Variants in PLPP3 observed in about 807,000 individuals in gnomAD.
The protein encoded by PLPP3 is PAP2 beta.
PLPP3 carries 6 observed loss-of-function variants against 29.6 expected under a neutral mutation model. That is an observed-to-expected ratio of 0.20 (90% CI 0.11 to 0.40). PLPP3 has a LOEUF of 0.40. Ranked by LOEUF, PLPP3 falls within the 10% of genes least tolerant of loss-of-function variation. The probability of loss-of-function intolerance (pLI) is 1.00; values close to 1 mark genes in which losing one functional copy is unlikely to be tolerated. For missense variants in PLPP3, 308 were observed against 407.7 expected, an observed-to-expected ratio of 0.76 and a Z score of 2.11; for synonymous variants, 152 against 159.7, an observed-to-expected ratio of 0.95 and a Z score of 0.36.
At chr1:56,530,642 C>A (rs1645881584) in intron 2 of PLPP3, among the ~76,000 whole-genome samples, 1 of 152,200 alleles carries the variant, frequency 6.6e-6, no homozygotes, top group Non-Finnish European at 1.5e-5. Context: ...CCTTGCATTG[C>A]CACCACTGTG....
At position 56,557,056 on chromosome 1, in the gene PLPP3, G is replaced by GAGAGAGAA. The variant is rs1553139372; in HGVS notation, c.140-19945_140-19944insTTCTCTCT. 1.4e-3 allele frequency among the ~76,000 whole-genome samples: 13 copies of GAGAGAGAA among 9,138 alleles called. 1 individual carries two copies. Among genetic ancestry groups the GAGAGAGAA allele is most frequent in the African/African-American group, 3.0e-3 (13 of 4,390 alleles). 6.0% of individuals were successfully genotyped at this position (9,138 alleles called of 152,430 possible). A position where few individuals can be genotyped will look rare whatever the true frequency, so the allele number is the denominator to read the frequency against. On this transcript the variant is annotated intron_variant, in intron 1 of 5. Transcript: ENST00000371250. ...AGAGAGAGAGAGAGAGAGAGAGAGAGAGAAAGAAAGAAAGAAAGAAAAAAT... is the reference window on the plus strand; with the variant it reads ...AGAGAGAGAGAGAGAGAGAGAGAGAGAGAGAGAAAGAAAGAAAGAAAGAAAGAAAAAAT...
Position 56,534,565 on chromosome 1 carries a change from G to A in PLPP3, c.297+2390C>T, listed in dbSNP as rs182985430. On this transcript the variant is annotated intron_variant, in intron 2 of 5. Transcript: ENST00000371250. ...GATGATGGTTCAATTTCCAGCTCTG[G>A]GCCCCTCCACCCTCCACGTCTGTCA... is the stretch of plus-strand genomic sequence containing the variant. 1.3e-4 allele frequency among the ~76,000 whole-genome samples: 20 copies of A among 152,180 alleles called. No homozygotes were observed. In the East Asian group the frequency reaches 3.7e-3, roughly 28 times the overall value.
At chr1:56,562,379 G>A (rs1458347803) in intron 1 of PLPP3, among the ~76,000 whole-genome samples, 2 of 152,130 alleles carry the variant, frequency 1.3e-5, no homozygotes, top group Non-Finnish European at 2.9e-5. Context: ...AGAATACACG[G>A]GGGAGGAGAG....
intron 1 of PLPP3, among the ~76,000 whole-genome samples, chr1:56,555,454 A>AAAAAAAAAAAAAAAAAAAAAAAAAAAAC (rs1646069877): frequency 6.7e-6 from 1 of 149,428 alleles, no homozygotes; most frequent in Non-Finnish European, 1.5e-5. Context: ...AAAAAAAAAA[A>AAAAAAAAAAAAAAAAAAAAAAAAAAAAC]AAAAAACAAA....
chr1:56,538,484 C>T (rs1269946522), intron 1 of PLPP3: 4 of 445,844 alleles, frequency 9.0e-6, no homozygotes, highest in African/African-American at 4.1e-5. Flanking sequence ...GGAGAGGCAC[C>T]CGATAGATGT....
intron 5 of PLPP3, among the ~76,000 whole-genome samples, chr1:56,507,851 T>C (rs991930010): frequency 6.6e-6 from 1 of 152,040 alleles, no homozygotes; most frequent in Non-Finnish European, 1.5e-5. Flanking sequence ...AGAAAGTATA[T>C]GTGTGTGTGA....
chr1:56,497,630 C>T (rs2100215254), intron 5 of PLPP3, among the ~76,000 whole-genome samples: 1 of 152,298 alleles, frequency 6.6e-6, no homozygotes, highest in East Asian at 1.9e-4. Context: ...CTACACCCAA[C>T]AGCCTTCTGA....
intron 1 of PLPP3, among the ~76,000 whole-genome samples, chr1:56,565,771 G>A (rs1646157473): frequency 6.6e-6 from 1 of 152,044 alleles, no homozygotes; most frequent in Non-Finnish European, 1.5e-5. Context: ...AGGACCCAGT[G>A]GTCTTCCTTA....
At chr1:56,578,505 CAGCT>C (rs1348041267) in intron 1 of PLPP3, among the ~76,000 whole-genome samples, 2 of 152,224 alleles carry the variant, frequency 1.3e-5, no homozygotes, top group African/African-American at 4.8e-5. Context: ...GGAGGGCGAC[CAGCT>C]AGCTATACGC....
chr1:56,574,063 G>A (rs563065915), intron 1 of PLPP3, among the ~76,000 whole-genome samples: 1 of 152,072 alleles, frequency 6.6e-6, no homozygotes, highest in East Asian at 1.9e-4. Context: ...AGCTAAGCAT[G>A]GTGGCACGTG....
chr1:56,576,952 A>G (rs1471343109), intron 1 of PLPP3, among the ~76,000 whole-genome samples: 2 of 152,160 alleles, frequency 1.3e-5, no homozygotes, highest in East Asian at 1.9e-4. Context: ...TCACTTTCAT[A>G]AGACACCATC....
chr1:56,524,004 A>G lies in PLPP3; in HGVS notation c.576-124T>C. 1 of 1,178,436 alleles carries G rather than the reference A, an allele frequency of 8.5e-7. No homozygotes were observed. Among genetic ancestry groups the G allele is most frequent in the South Asian group, 1.4e-5 (1 of 72,838 alleles). 73.0% of individuals were successfully genotyped at this position (1,178,436 alleles called of 1,614,324 possible). On this transcript the variant is annotated intron_variant, in intron 3 of 5. Coordinates refer to ENST00000371250, the MANE Select transcript of PLPP3 (RefSeq NM_003713.5). The surrounding 1 kb of genome is among the most constrained non-coding windows in gnomAD (Gnocchi z 4.3). Reference sequence around the variant, plus strand: ...GGCACTAGGCCCTGTTCATTTTTGCATCCTTGGTAGTGCTTTGGACCCATG... The same window carrying G: ...GGCACTAGGCCCTGTTCATTTTTGCGTCCTTGGTAGTGCTTTGGACCCATG...
chr1:56,575,104 AGTCTC>A (rs199792822), intron 1 of PLPP3, among the ~76,000 whole-genome samples: 2,647 of 152,298 alleles, frequency 0.017, 71 homozygotes, highest in East Asian at 0.1. Flanking sequence ...GCATATGTCA[AGTCTC>A]TAACGTCAAG....
intron 4 of PLPP3, chr1:56,513,024 A>C (rs1311039696): frequency 6.6e-6 from 1 of 152,170 alleles, no homozygotes; most frequent in Non-Finnish European, 1.5e-5. Flanking sequence ...CTTCAGAAGA[A>C]AGCAACTCTA....
At chr1:56,510,975 A>G (rs1344767578) in intron 5 of PLPP3, among the ~76,000 whole-genome samples, 1 of 152,212 alleles carries the variant, frequency 6.6e-6, no homozygotes, top group Admixed American at 6.5e-5. Flanking sequence ...AAACCAGGAA[A>G]GGATAAGAAG....
At chr1:56,565,787 A>G (rs1263205006) in intron 1 of PLPP3, among the ~76,000 whole-genome samples, 1 of 152,106 alleles carries the variant, frequency 6.6e-6, no homozygotes, top group Non-Finnish European at 1.5e-5. Flanking sequence ...CCTTACCTCA[A>G]AATTTAGAGC....
At chr1:56,538,527 T>C (rs1365850080) in intron 1 of PLPP3, 11 of 413,126 alleles carry the variant, frequency 2.7e-5, no homozygotes, top group Middle Eastern at 4.6e-4. Flanking sequence ...TGGAGTTGTT[T>C]ATTTGGCCAC....
At chr1:56,562,037 A>C (rs1352099005) in intron 1 of PLPP3, among the ~76,000 whole-genome samples, 1 of 1,626 alleles carries the variant, frequency 6.2e-4, no homozygotes, top group Non-Finnish European at 1.5e-3. Flanking sequence ...TCCGTTTCAC[A>C]AAAAAAAAAA....
At chr1:56,570,166 G>T (rs1303339406) in intron 1 of PLPP3, among the ~76,000 whole-genome samples, 1 of 152,162 alleles carries the variant, frequency 6.6e-6, no homozygotes, top group Non-Finnish European at 1.5e-5. Context: ...TACAAACATA[G>T]GCTTAATAGG....
Sources: allele counts gnomAD v4.1 joint callset (sites outside exome capture counted in the v4.1 genomes callset), GRCh38; gene constraint gnomAD v4.1.1; non-coding constraint Gnocchi (gnomAD v3.1); transcripts MANE v1.5; gene names NCBI Gene and HGNC (gene_info 2026-07-23, HGNC 2026-07-21).